Variants in FRMPD4 observed in about 807,000 individuals in gnomAD.
FRMPD4 encodes the protein FERM and PDZ domain containing 4.
A neutral mutation model predicts 94.1 loss-of-function variants in FRMPD4; 22 were observed. The observed-to-expected ratio is 0.23, with a 90% CI of 0.17 to 0.33. The LOEUF is 0.33. Ranked by LOEUF, FRMPD4 falls within the 10% of genes least tolerant of loss-of-function variation. The probability of loss-of-function intolerance (pLI) is 1.00; values close to 1 mark genes in which losing one functional copy is unlikely to be tolerated. For missense variants in FRMPD4, 1,111 were observed against 1,339.9 expected, an observed-to-expected ratio of 0.83 and a Z score of 2.67; for synonymous variants, 631 against 548.6, an observed-to-expected ratio of 1.15 and a Z score of -2.10.
At chrX:12,417,569 G>C (rs1439956630) in intron 1 of FRMPD4, among the ~76,000 whole-genome samples, 1 of 69,512 alleles carries the variant, frequency 1.4e-5, no homozygotes, top group Non-Finnish European at 2.6e-5. Context: ...ACAAGAGCAA[G>C]ACTTCATCTC....
intron 6 of FRMPD4, 47 bp downstream of exon 6, chrX:12,683,634 G>A: frequency 1.5e-6 from 1 of 658,800 alleles, no homozygotes; most frequent in Non-Finnish European, 2.4e-6. Flanking sequence ...AGTCAATGAG[G>A]CAGAAGCTTT....
intron 1 of FRMPD4, among the ~76,000 whole-genome samples, chrX:12,378,086 C>T (rs1187058051): frequency 2.7e-5 from 3 of 112,127 alleles, no homozygotes; most frequent in East Asian, 5.6e-4. Context: ...CCGATGGGGG[C>T]GACTGATGCT....
chrX:11,850,620 TAAAAA>T lies in FRMPD4; in HGVS notation c.-160-14465_-160-14461del, dbSNP rs769642668. On this transcript the variant is annotated intron_variant, in intron 1 of 18. Transcript: ENST00000640291. ...CATACAGTGGATTATTATTCAGTCT[TAAAAA>T]GAAAGGAAATCCTGAAACATGATAC... Among the ~76,000 whole-genome samples the T allele has an allele frequency of 8.9e-5, 10 of 112,314 alleles. No individual in the cohort carries two copies. In the East Asian group the frequency reaches 2.5e-3, roughly 28 times the overall value.
At chrX:11,857,765 A>G (rs1421849960) in intron 1 of FRMPD4, among the ~76,000 whole-genome samples, 1 of 112,823 alleles carries the variant, frequency 8.9e-6, no homozygotes, top group Non-Finnish European at 1.9e-5. Context: ...CTATCATCAA[A>G]CAGACAACCT....
At chrX:11,866,737 T>C (rs981401792) in intron 2 of FRMPD4, among the ~76,000 whole-genome samples, 6 of 112,079 alleles carry the variant, frequency 5.4e-5, no homozygotes. Flanking sequence ...AAGGTTGTCT[T>C]GTGTTTTTAA....
chrX:12,106,273 T>C (rs1437666765), intron 3 of FRMPD4, among the ~76,000 whole-genome samples: 1 of 112,220 alleles, frequency 8.9e-6, no homozygotes, highest in Admixed American at 9.4e-5. Flanking sequence ...ACAATGCCAC[T>C]TGGACATTGC....
At chrX:11,856,530 T>A (rs6640801) in intron 1 of FRMPD4, among the ~76,000 whole-genome samples, 14,132 of 111,231 alleles carry the variant, frequency 0.13, 1,113 homozygotes, top group African/African-American at 0.28. Context: ...AAACTCTCAA[T>A]AAGCTAGATA....
intron 1 of FRMPD4, among the ~76,000 whole-genome samples, chrX:12,447,318 G>A (rs1195580360): frequency 9.0e-6 from 1 of 110,951 alleles, no homozygotes; most frequent in East Asian, 2.8e-4. Context: ...GACGTCATAA[G>A]CACTGCTTTT....
chrX:12,500,311 T>G (rs781021173), intron 2 of FRMPD4, among the ~76,000 whole-genome samples: 6 of 111,213 alleles, frequency 5.4e-5, no homozygotes, highest in Non-Finnish European at 1.1e-4. Context: ...AGGGGTCATT[T>G]TTATAAAAAA....
chrX:12,250,044 CTCTCTG>C (rs1372572803), intron 1 of FRMPD4, among the ~76,000 whole-genome samples: 1 of 71,579 alleles, frequency 1.4e-5, no homozygotes, highest in African/African-American at 6.1e-5. Context: ...CTCTCTCTCT[CTCTCTG>C]TGTGTGTGTG....
In FRMPD4 at chrX:12,301,096, G is replaced by A. The variant is rs907762994; in HGVS notation, c.41+162084G>A. 8.1e-5 allele frequency among the ~76,000 whole-genome samples: 9 copies of A among 111,252 alleles called. No individual in the cohort carries two copies. In the South Asian group the frequency reaches 3.1e-3, roughly 38 times the overall value. ...TCTTTCTCACTTTCCACAGTCAAGG[G>A]GTGGGGAGCCCTGTGGCTTCTGCCT... On this transcript the variant is annotated intron_variant, in intron 1 of 16. Transcript: ENST00000675598.
chrX:12,121,063 TA>T (rs1176984040), intron 3 of FRMPD4, among the ~76,000 whole-genome samples: 5 of 108,970 alleles, frequency 4.6e-5, no homozygotes, highest in African/African-American at 1.6e-4. Flanking sequence ...ACTAAGACTT[TA>T]TTTGCTATTT....
chrX:12,230,936 CTA>C (rs1188161377), intron 1 of FRMPD4, among the ~76,000 whole-genome samples: 4 of 70,479 alleles, frequency 5.7e-5, no homozygotes, highest in Non-Finnish European at 1.0e-4. Flanking sequence ...ACTATATATA[CTA>C]TATATAGTAA....
At chrX:11,827,062 T>TTATATACATA (rs2053446963) in intron 1 of FRMPD4, among the ~76,000 whole-genome samples, 1 of 80,605 alleles carries the variant, frequency 1.2e-5, no homozygotes, top group Admixed American at 1.4e-4. Flanking sequence ...TAGATGGAAA[T>TTATATACATA]TATATATATA....
At chrX:12,538,067 T>G (rs2058360739) in intron 2 of FRMPD4, among the ~76,000 whole-genome samples, 1 of 111,072 alleles carries the variant, frequency 9.0e-6, no homozygotes, top group Non-Finnish European at 1.9e-5. Flanking sequence ...GTCAGGGAAT[T>G]CCCTTTCCTA....
intron 4 of FRMPD4, among the ~76,000 whole-genome samples, chrX:12,644,236 AT>A (rs899760565): frequency 8.2e-5 from 9 of 109,977 alleles, no homozygotes; most frequent in African/African-American, 2.3e-4. Context: ...CACCTGGCTA[AT>A]TTTTTTTTAT....
intron 1 of FRMPD4, among the ~76,000 whole-genome samples, chrX:12,305,673 T>C (rs1275305994): frequency 9.4e-6 from 1 of 105,936 alleles, no homozygotes; most frequent in African/African-American, 3.5e-5. Flanking sequence ...TCCTCTTTCT[T>C]CAGCCTCCTT....
At chrX:12,345,807 C>A (rs2055698637) in intron 1 of FRMPD4, among the ~76,000 whole-genome samples, 1 of 111,791 alleles carries the variant, frequency 8.9e-6, no homozygotes, top group African/African-American at 3.3e-5. Flanking sequence ...CTTTAAAATA[C>A]AACAATATAT....
intron 3 of FRMPD4, among the ~76,000 whole-genome samples, chrX:11,933,471 C>T (rs1003109344): frequency 8.9e-6 from 1 of 112,378 alleles, no homozygotes; most frequent in African/African-American, 3.2e-5. Flanking sequence ...TAAAGTTTTC[C>T]AGATGTGTGG....
Sources: allele counts gnomAD v4.1 joint callset (sites outside exome capture counted in the v4.1 genomes callset), GRCh38; gene constraint gnomAD v4.1.1; transcripts MANE v1.5; gene names NCBI Gene and HGNC (gene_info 2026-07-23, HGNC 2026-07-21).